AGBL4: variants seen among roughly 807,000 people sequenced by gnomAD.
The protein encoded by AGBL4 is cytosolic carboxypeptidase 6.
In AGBL4, 58 loss-of-function variants were observed where a neutral mutation model predicts 66.4. The observed-to-expected ratio is 0.87, with a 90% CI of 0.71 to 1.09. The LOEUF is 1.09. AGBL4 is among the 50% of genes least tolerant of loss of function. AGBL4 has a pLI of 0.00. For missense variants in AGBL4, 579 were observed against 631.0 expected, an observed-to-expected ratio of 0.92 and a Z score of 0.88; for synonymous variants, 234 against 222.9, an observed-to-expected ratio of 1.05 and a Z score of -0.44.
intron 6 of AGBL4, among the ~76,000 whole-genome samples, chr1:48,849,483 A>G (rs1433291650): frequency 6.6e-6 from 1 of 152,164 alleles, no homozygotes; most frequent in East Asian, 1.9e-4. Flanking sequence ...TATTTATCTC[A>G]TTGTGGACAG....
intron 1 of AGBL4, among the ~76,000 whole-genome samples, chr1:49,871,275 T>C (rs1646833068): frequency 6.6e-6 from 1 of 152,052 alleles, no homozygotes; most frequent in Non-Finnish European, 1.5e-5. Flanking sequence ...GGTCAACATA[T>C]TTATTAAAAT....
chr1:48,912,156 A>G (rs996354453), intron 5 of AGBL4, among the ~76,000 whole-genome samples: 10 of 152,200 alleles, frequency 6.6e-5, no homozygotes, highest in African/African-American at 2.4e-4. Context: ...AGTTCTCGCT[A>G]TCATGTTTAG....
chr1:48,816,952 A>G (rs1393491732), intron 6 of AGBL4, among the ~76,000 whole-genome samples: 2 of 152,322 alleles, frequency 1.3e-5, no homozygotes, highest in East Asian at 3.9e-4. Flanking sequence ...GGTCACGATG[A>G]ATAGGAATTA....
chr1:49,050,258 T>G (rs988798624), intron 4 of AGBL4, among the ~76,000 whole-genome samples: 2 of 152,112 alleles, frequency 1.3e-5, no homozygotes, highest in Non-Finnish European at 2.9e-5. Context: ...CTGAATGTTC[T>G]GAGTAAGCAC....
At chr1:49,259,133 C>T (rs1306571843) in intron 3 of AGBL4, among the ~76,000 whole-genome samples, 1 of 151,990 alleles carries the variant, frequency 6.6e-6, no homozygotes, top group Admixed American at 6.6e-5. Flanking sequence ...ACCAGGCCTG[C>T]CCTAAAAGAG....
In AGBL4 at chr1:49,579,262, C is replaced by A. The variant is rs368520937; in HGVS notation, c.282+118051G>T. ...TATATACATCTCTCTCCTATTAGTT[C>A]TGTTCCTCTAGAGAACCCTAATACA... On this transcript the variant is annotated intron_variant, in intron 3 of 13. Transcript: ENST00000371839. Among the ~76,000 whole-genome samples, 8 of 152,322 alleles carry A rather than the reference C, an allele frequency of 5.3e-5. No homozygotes were observed. The East Asian group carries it at 1.4e-3, about 26-fold the overall frequency.
chr1:49,201,551 T>C (rs976774086), intron 4 of AGBL4, among the ~76,000 whole-genome samples: 1 of 152,188 alleles, frequency 6.6e-6, no homozygotes, highest in Non-Finnish European at 1.5e-5. Context: ...AGAATGTGTG[T>C]GACTGTACTG....
chr1:49,307,405 T>C (rs144944603), intron 3 of AGBL4, among the ~76,000 whole-genome samples: 71 of 152,316 alleles, frequency 4.7e-4, no homozygotes, highest in African/African-American at 1.5e-3. Context: ...TGGGCCAGAA[T>C]TCTGGCTTTA....
intron 3 of AGBL4, among the ~76,000 whole-genome samples, chr1:49,610,983 G>C (rs1048660788): frequency 1.3e-5 from 2 of 152,100 alleles, no homozygotes; most frequent in Admixed American, 6.6e-5. Context: ...AACCAACCAG[G>C]GATAAGGAAG....
At chr1:49,329,019 C>T (rs1485627828) in intron 3 of AGBL4, among the ~76,000 whole-genome samples, 1 of 152,156 alleles carries the variant, frequency 6.6e-6, no homozygotes, top group Non-Finnish European at 1.5e-5. Flanking sequence ...TAATACCTCT[C>T]TAAGTGGCCA....
chr1:48,549,887 G>A (rs1276425779), intron 11 of AGBL4, among the ~76,000 whole-genome samples: 10 of 152,150 alleles, frequency 6.6e-5, no homozygotes, highest in Non-Finnish European at 1.3e-4. Flanking sequence ...AAGCACAGCC[G>A]CAGAGGACAG....
intron 1 of AGBL4, among the ~76,000 whole-genome samples, chr1:49,945,372 C>A (rs1343297993): frequency 1.3e-5 from 2 of 152,120 alleles, no homozygotes; most frequent in South Asian, 2.1e-4. Flanking sequence ...GATTTCTCAG[C>A]AGAAACCCTA....
intron 1 of AGBL4, among the ~76,000 whole-genome samples, chr1:50,020,007 T>C (rs1420735235): frequency 6.6e-6 from 1 of 152,030 alleles, no homozygotes; most frequent in Non-Finnish European, 1.5e-5. Flanking sequence ...TGTAAGAAGC[T>C]TGAATATAAA....
chr1:48,746,398 G>GT, intron 6 of AGBL4, among the ~76,000 whole-genome samples: 1 of 152,028 alleles, frequency 6.6e-6, no homozygotes, highest in East Asian at 2.0e-4. Flanking sequence ...GCAGGTCCTT[G>GT]TACTCCACAG....
chr1:49,407,975 T>A (rs1372336087), intron 3 of AGBL4, among the ~76,000 whole-genome samples: 1 of 152,224 alleles, frequency 6.6e-6, no homozygotes, highest in Non-Finnish European at 1.5e-5. Flanking sequence ...TACAGTTGGC[T>A]AACCCTGCTC....
chr1:49,734,286 G>GGAGA (rs535497795), intron 2 of AGBL4, among the ~76,000 whole-genome samples: 1 of 150,952 alleles, frequency 6.6e-6, no homozygotes, highest in African/African-American at 2.4e-5. Context: ...AGGGGAGAGG[G>GGAGA]GAGAGAGAGA....
intron 2 of AGBL4, among the ~76,000 whole-genome samples, chr1:49,848,346 T>G (rs1010665801): frequency 1.3e-5 from 2 of 152,090 alleles, no homozygotes; most frequent in Non-Finnish European, 2.9e-5. Context: ...AAGAAGTCAT[T>G]ATGTAAAAAA....
intron 3 of AGBL4, among the ~76,000 whole-genome samples, chr1:49,305,381 C>T (rs1644830798): frequency 6.6e-6 from 1 of 152,158 alleles, no homozygotes; most frequent in Non-Finnish European, 1.5e-5. Context: ...AACTCAAAGC[C>T]TCACAGCTGG....
intron 2 of AGBL4, among the ~76,000 whole-genome samples, chr1:49,777,726 G>A (rs1417925253): frequency 6.6e-6 from 1 of 152,126 alleles, no homozygotes; most frequent in Non-Finnish European, 1.5e-5. Context: ...ATAAAGCTTT[G>A]ATAAAAATCC....
Sources: gnomAD v4.1 joint callset for allele counts (sites outside exome capture counted in the v4.1 genomes callset) on GRCh38, gnomAD v4.1.1 for gene constraint, MANE v1.5 for transcripts, NCBI Gene and HGNC (gene_info 2026-07-23, HGNC 2026-07-21) for gene names.